The following RIPOR1 variants were observed in gnomAD, a reference collection of about 807,000 sequenced individuals.
RIPOR1 encodes RHO family interacting cell polarization regulator 1.
RIPOR1 carries 58 observed loss-of-function variants against 116.5 expected under a neutral mutation model. The observed-to-expected ratio is 0.50, with a 90% CI of 0.40 to 0.62. The LOEUF is 0.62. Ranked by LOEUF, RIPOR1 falls within the 20% of genes least tolerant of loss-of-function variation. The pLI is 0.00. For missense variants in RIPOR1, 1,372 were observed against 1,586.2 expected (o/e 0.86, Z 2.29); for synonymous variants, 605 against 650.0 (o/e 0.93, Z 1.05).
chr16:67,540,586 T>C lies in RIPOR1; in HGVS notation c.683T>C (p.Met228Thr). 1 of 1,613,930 alleles carries C rather than the reference T, an allele frequency of 6.2e-7. No individual in the cohort carries two copies. Among genetic ancestry groups the C allele is most frequent in the Non-Finnish European group, 8.5e-7 (1 of 1,179,888 alleles). ...TCCTACCTGTTCCCCCAGATCTGCA[T>C]GAAATATGGGCGTCAGCGCTGGAAA... ...LCVGDQYEICMKYGRQRWKLR... is the reference protein window; with the variant it reads ...LCVGDQYEICTKYGRQRWKLR... Residue 228 changes from methionine to threonine, a missense_variant, in exon 10 of 22, where the codon ATG becomes ACG. Around this residue, in one of 3 missense-constraint regions of RIPOR1, gnomAD observed 202 missense variants for 295.9 expected, o/e 0.68. Transcript: ENST00000042381. The surrounding 1 kb of genome is among the most constrained non-coding windows in gnomAD (Gnocchi z 4.7).
In RIPOR1 at chr16:67,530,858, A is replaced by G. The variant is rs534012049; in HGVS notation, c.-24+1944A>G. Among the ~76,000 whole-genome samples, 7 of 152,208 alleles carry G rather than the reference A, an allele frequency of 4.6e-5. No individual in the cohort carries two copies. The East Asian group carries it at 1.4e-3, about 29-fold the overall frequency. ...CCCAGAGAGTCCCCTGGTTCTTATC[A>G]GCCAGTCCCCCACCAGTTGAGGTGG... is the stretch of plus-strand genomic sequence containing the variant. On this transcript the variant is annotated intron_variant, in intron 1 of 21. Transcript: ENST00000042381. This position sits in a 1 kb window ranked among gnomAD's most constrained non-coding sequence, Gnocchi z 4.5.
chr16:67,536,999 C>T (rs575641371), intron 1 of RIPOR1, among the ~76,000 whole-genome samples: 1 of 152,312 alleles, frequency 6.6e-6, no homozygotes, highest in South Asian at 2.1e-4. Flanking sequence ...TGCAGTGGCG[C>T]CACCTCCCGG....
At position 67,544,185 on chromosome 16, in the gene RIPOR1, T is replaced by C; in HGVS notation, c.2601-114T>C. On this transcript the variant is annotated intron_variant, in intron 14 of 21. Transcript: ENST00000042381. This position sits in a 1 kb window ranked among gnomAD's most constrained non-coding sequence, Gnocchi z 5.1. ...TCCATGAACTTACCCCACTGTCTGC[T>C]GTCGGTGCATCATCTTCTTCCTTTC... The C allele has an allele frequency of 7.3e-7, 1 of 1,360,968 alleles. No individual in the cohort carries two copies. Among genetic ancestry groups the C allele is most frequent in the Middle Eastern group, 2.6e-4 (1 of 3,796 alleles). The allele number at this position is 1,360,968 out of a possible 1,614,324, so 84.3% of individuals were successfully genotyped here. A position where few individuals can be genotyped will look rare whatever the true frequency, so the allele number is the denominator to read the frequency against.
chr16:67,529,671 T>TC lies in RIPOR1; in HGVS notation c.-24+761dup, dbSNP rs2050602033. ...TGAGTCCGGCCTCCCCTACAGACCC[T>TC]CCCCAGCCAGTTCTAACGTGTGTCC... On this transcript the variant is annotated intron_variant, in intron 1 of 21. Transcript: ENST00000042381. The surrounding 1 kb of genome is among the most constrained non-coding windows in gnomAD (Gnocchi z 4.1). 1.5e-6 allele frequency: 2 copies of TC among 1,298,724 alleles called. No homozygotes were observed. Among genetic ancestry groups the TC allele is most frequent in the East Asian group, 5.0e-5 (2 of 39,628 alleles). 80.5% of individuals were successfully genotyped at this position (1,298,724 alleles called of 1,614,324 possible).
In RIPOR1 at chr16:67,545,580, G is replaced by A. The variant is rs750181648; in HGVS notation, c.3190+46G>A. 2 of 1,604,954 alleles carry A rather than the reference G, an allele frequency of 1.2e-6. No homozygotes were observed. Among genetic ancestry groups the A allele is most frequent in the Non-Finnish European group, 1.7e-6 (2 of 1,174,040 alleles). On this transcript the variant is annotated intron_variant, in intron 18 of 21. Coordinates refer to ENST00000042381, the MANE Select transcript of RIPOR1 (RefSeq NM_024519.4). This position sits in a 1 kb window ranked among gnomAD's most constrained non-coding sequence, Gnocchi z 4.8. The stretch of plus-strand genomic sequence containing the variant: ...ACATAGTGGCCTCTTGGGGTCTGAG[G>A]ACATGAGGACAAGCCCTCCCCAACC...
Position 67,538,477 on chromosome 16 carries a change from C to G in RIPOR1, c.31C>G (p.Arg11Gly), listed in dbSNP as rs371323659. 6.2e-7 allele frequency: 1 copy of G among 1,610,824 alleles called. No homozygotes were observed. The change falls in exon 2 of 22, where the codon CGT (arginine) becomes GGT (glycine). Residue 11 changes from arginine to glycine, a missense_variant. By Grantham distance (125) the Arg-to-Gly change is moderately radical. This residue lies in a region of RIPOR1 where 165 missense variants were observed against 145.5 expected (regional missense o/e 1.13). Coordinates refer to ENST00000042381, the MANE Select transcript of RIPOR1 (RefSeq NM_024519.4). ...GTCCCTGTCGGTGCGGCCGCAGCGC[C>G]GTCTGCTCAGCGCCCGGGTCAATAG... The part of the protein sequence containing the change: MMSLSVRPQR[R>G]LLSARVNRSQ...
Position 67,546,503 on chromosome 16 carries a change from C to A in RIPOR1, c.*40C>A. On this transcript the variant is annotated 3_prime_UTR_variant, in exon 22 of 22. Transcript: ENST00000042381. ...GGTTCCTGGTGCCCCTTTCCCCCCA[C>A]TTTCAGGGCTCACCAGGCACTGGCA... 3 of 1,547,224 alleles carry A rather than the reference C, an allele frequency of 1.9e-6. No homozygotes were observed. Among genetic ancestry groups the A allele is most frequent in the South Asian group, 1.1e-5 (1 of 89,434 alleles).
chr16:67,539,806 C>A (rs369358400), intron 5 of RIPOR1, 40 bp from the exon 6 acceptor site: 12 of 1,614,180 alleles, frequency 7.4e-6, no homozygotes, highest in Non-Finnish European at 1.0e-5. Context: ...AGGGTAAGGA[C>A]CCTGGGCCTC....
rs1195838913 is a variant in RIPOR1, at chr16:67,529,225, C to T, written c.-24+311C>T. 1 of 152,814 alleles carries T rather than the reference C, an allele frequency of 6.5e-6. No homozygotes were observed. The highest frequency in any genetic ancestry group is 1.5e-5 in the Non-Finnish European group (1 of 68,350). 9.5% of individuals were successfully genotyped at this position (152,814 alleles called of 1,614,324 possible). A position where few individuals can be genotyped will look rare whatever the true frequency, so the allele number is the denominator to read the frequency against. On this transcript the variant is annotated intron_variant, in intron 1 of 21. Coordinates refer to ENST00000042381, the MANE Select transcript of RIPOR1 (RefSeq NM_024519.4). The surrounding 1 kb of genome is among the most constrained non-coding windows in gnomAD (Gnocchi z 4.1). ...GATGGGCCAGGCCAGAGAGCGGGCT[C>T]AAGGCGCCAGCCTGGGCCCTGGCAC...
At chr16:67,536,363 G>A (rs1383019527) in intron 1 of RIPOR1, among the ~76,000 whole-genome samples, 2 of 152,074 alleles carry the variant, frequency 1.3e-5, no homozygotes, top group African/African-American at 4.8e-5. Flanking sequence ...CAGGAGAATC[G>A]CTTGAATCTG....
rs2050817347 is a variant in RIPOR1, at chr16:67,537,245, T to A, written c.-23-1179T>A. Among the ~76,000 whole-genome samples, 1 of 152,216 alleles carries A rather than the reference T, an allele frequency of 6.6e-6. No homozygotes were observed. Among genetic ancestry groups the A allele is most frequent in the Admixed American group, 6.5e-5 (1 of 15,278 alleles). On this transcript the variant is annotated intron_variant, in intron 1 of 21. Transcript: ENST00000042381. This position sits in a 1 kb window ranked among gnomAD's most constrained non-coding sequence, Gnocchi z 4.6. ...CGACTCTTTAAGCCCCCTACTCTAA[T>A]GTCTGATACTTCCTCCACTTAGCGT...
At chr16:67,528,984 C>A (rs565482366) in intron 1 of RIPOR1, 70 bp downstream of exon 1, 10 of 170,724 alleles carry the variant, frequency 5.9e-5, no homozygotes, top group East Asian at 1.9e-4. Flanking sequence ...CTGGTGCCCC[C>A]CCGCCGGCGC....
At position 67,541,411 on chromosome 16, in the gene RIPOR1, C is replaced by G. The variant is rs370890870; in HGVS notation, c.802-19C>G. On this transcript the variant is annotated intron_variant, in intron 10 of 21. Coordinates refer to ENST00000042381, the MANE Select transcript of RIPOR1 (RefSeq NM_024519.4). This position sits in a 1 kb window ranked among gnomAD's most constrained non-coding sequence, Gnocchi z 4.6. ...AGCCCCTGCACCCTTGTGACCCTACCATGCACTCTTGGCTACAGGTGACAG... is the reference window on the plus strand; with the variant it reads ...AGCCCCTGCACCCTTGTGACCCTACGATGCACTCTTGGCTACAGGTGACAG... The G allele has an allele frequency of 1.5e-5, 24 of 1,610,976 alleles. No individual in the cohort carries two copies. Among genetic ancestry groups the G allele is most frequent in the Non-Finnish European group, 1.9e-5 (22 of 1,178,264 alleles).
chr16:67,532,281 G>C (rs1443101977), intron 1 of RIPOR1, among the ~76,000 whole-genome samples: 1 of 152,094 alleles, frequency 6.6e-6, no homozygotes, highest in South Asian at 2.1e-4. Flanking sequence ...GTGCATGCCT[G>C]TGGTTCCAGC....
chr16:67,537,573 C>A lies in RIPOR1; in HGVS notation c.-23-851C>A. ...AGCGCGGGTCGGGGGCCGTCCCGGACCCACCATGAACACCAAGAAGAGAGG... is the reference window on the plus strand; with the variant it reads ...AGCGCGGGTCGGGGGCCGTCCCGGAACCACCATGAACACCAAGAAGAGAGG... On this transcript the variant is annotated intron_variant, in intron 1 of 21. Transcript: ENST00000042381. This position sits in a 1 kb window ranked among gnomAD's most constrained non-coding sequence, Gnocchi z 4.6. 3 of 1,415,166 alleles carry A rather than the reference C, an allele frequency of 2.1e-6. No individual in the cohort carries two copies. The highest frequency in any genetic ancestry group is 3.0e-5 in the African/African-American group (2 of 67,496). 87.7% of individuals were successfully genotyped at this position (1,415,166 alleles called of 1,614,324 possible).
At chr16:67,524,818 C>T (rs1366685071), upstream of RIPOR1, among the ~76,000 whole-genome samples, 5 of 152,232 alleles carry the variant, frequency 3.3e-5, no homozygotes, top group Admixed American at 1.3e-4. Flanking sequence ...CTGGCCCAGG[C>T]CACCATCCAC....
At position 67,538,531 on chromosome 16, in the gene RIPOR1, A is replaced by C. The variant is rs914468421; in HGVS notation, c.85A>C (p.Ser29Arg). Residue 29 changes from serine to arginine, a missense_variant, in exon 2 of 22, where the codon AGC becomes CGC. Ser to Arg is a moderately radical substitution (Grantham distance 110). Transcript: ENST00000042381. ...CCAGTCCTTCGCAGGCGTCCTCGGC[A>C]GCCACGAGCGGGGGCCCAGGTACGC... Reference protein sequence around the residue: ...RSQSFAGVLGSHERGPRSFPV... With the variant: ...RSQSFAGVLGRHERGPRSFPV... 6.2e-6 allele frequency: 10 copies of C among 1,612,230 alleles called. No individual in the cohort carries two copies. Among genetic ancestry groups the C allele is most frequent in the Non-Finnish European group, 8.5e-6 (10 of 1,179,410 alleles).
chr16:67,534,828 T>TTTTTTTC (rs1418909724), intron 1 of RIPOR1, among the ~76,000 whole-genome samples: 5 of 145,718 alleles, frequency 3.4e-5, no homozygotes. Flanking sequence ...TAGGGTTTTC[T>TTTTTTTC]TTTTTTCTTT....
chr16:67,542,658 T>TACCCCCACAAGTCCCACCCAC lies in RIPOR1; in HGVS notation c.1874_1894dup (p.Thr625_His631dup). The TACCCCCACAAGTCCCACCCAC allele has an allele frequency of 6.2e-7, 1 of 1,606,850 alleles. No individual in the cohort carries two copies. The highest frequency in any genetic ancestry group is 8.5e-7 in the Non-Finnish European group (1 of 1,177,204). On this transcript the variant is annotated inframe_insertion, in exon 13 of 22. Transcript: ENST00000042381. The surrounding 1 kb of genome is among the most constrained non-coding windows in gnomAD (Gnocchi z 4.6). ...CTCATACTTCCACAAGCCCCACCCA[T>TACCCCCACAAGTCCCACCCAC]ACCCCCACAAGTCCCACCCACAAAA...
Sources: gnomAD v4.1 joint callset for allele counts (sites outside exome capture counted in the v4.1 genomes callset) on GRCh38, gnomAD v4.1.1 for gene constraint, gnomAD v4.1.1 regional missense constraint, Gnocchi (gnomAD v3.1) non-coding constraint, MANE v1.5 for transcripts, NCBI Gene and HGNC (gene_info 2026-07-23, HGNC 2026-07-21) for gene names.